Variants in NRG1 observed in about 807,000 individuals in gnomAD.
The protein encoded by NRG1 is pro-neuregulin-1, membrane-bound isoform.
Under a neutral mutation model 63.8 loss-of-function variants are expected in NRG1, and 18 were observed. That is an observed-to-expected ratio of 0.28 (90% CI 0.19 to 0.42). NRG1 has a LOEUF of 0.42. Among genes scored for constraint, NRG1 ranks in the 10% least tolerant of loss-of-function variants. The pLI is 1.00. For missense variants in NRG1, 762 were observed against 814.7 expected (o/e 0.94, Z 0.79); for synonymous variants, 302 against 301.3 (o/e 1.00, Z -0.02).
intron 3 of NRG1, among the ~76,000 whole-genome samples, chr8:32,610,253 C>G (rs1020176227): frequency 1.6e-4 from 24 of 152,200 alleles, no homozygotes; most frequent in African/African-American, 5.3e-4. Context: ...GCAGAGGATT[C>G]CTTGTGATTC....
At chr8:32,373,212 T>A (rs1023314283) in intron 1 of NRG1, among the ~76,000 whole-genome samples, 1 of 152,146 alleles carries the variant, frequency 6.6e-6, no homozygotes, top group Non-Finnish European at 1.5e-5. Context: ...CTGATTTTTT[T>A]AAAAAGGCAT....
intron 5 of NRG1, among the ~76,000 whole-genome samples, chr8:32,688,595 T>A (rs1430870228): frequency 6.6e-6 from 1 of 152,182 alleles, no homozygotes; most frequent in Non-Finnish European, 1.5e-5. Context: ...TAAATATTTG[T>A]TGAATTATGA....
intron 1 of NRG1, among the ~76,000 whole-genome samples, chr8:32,290,835 A>C (rs1854109433): frequency 6.6e-6 from 1 of 151,394 alleles, no homozygotes; most frequent in Non-Finnish European, 1.5e-5. Context: ...ATGTCTCTTA[A>C]GACTCTATCT....
intron 1 of NRG1, among the ~76,000 whole-genome samples, chr8:31,669,369 C>T (rs1806875611): frequency 1.3e-5 from 2 of 152,050 alleles, no homozygotes; most frequent in Admixed American, 1.3e-4. Flanking sequence ...TCCCAAGCAG[C>T]TGGGATTACA....
chr8:31,647,712 C>A (rs1804424631), intron 1 of NRG1, among the ~76,000 whole-genome samples: 1 of 152,204 alleles, frequency 6.6e-6, no homozygotes, highest in Non-Finnish European at 1.5e-5. Flanking sequence ...ATAACCTAGG[C>A]ATGCTGCTGC....
At chr8:32,346,889 G>GC (rs1804972206) in intron 1 of NRG1, among the ~76,000 whole-genome samples, 1 of 151,564 alleles carries the variant, frequency 6.6e-6, no homozygotes, top group African/African-American at 2.4e-5. Flanking sequence ...GAGTGCAGTG[G>GC]CGTGATCTCA....
At chr8:32,390,602 T>TAAAAAAAAAAA (rs66980062) in intron 1 of NRG1, among the ~76,000 whole-genome samples, 2 of 130,652 alleles carry the variant, frequency 1.5e-5, no homozygotes, top group African/African-American at 2.9e-5. Flanking sequence ...GACCCTGTCT[T>TAAAAAAAAAAA]AAAAAAAAAA....
At chr8:31,991,156 T>A (rs567478675) in intron 1 of NRG1, among the ~76,000 whole-genome samples, 10 of 152,176 alleles carry the variant, frequency 6.6e-5, no homozygotes, top group Admixed American at 3.3e-4. Flanking sequence ...TAAATGTCTG[T>A]CCTAATGGAT....
intron 1 of NRG1, among the ~76,000 whole-genome samples, chr8:32,280,337 A>G (rs1303501277): frequency 1.3e-5 from 2 of 152,242 alleles, no homozygotes; most frequent in Non-Finnish European, 2.9e-5. Context: ...TAATTAAATG[A>G]GATCTTTGAA....
intron 1 of NRG1, among the ~76,000 whole-genome samples, chr8:32,569,983 C>T (rs2129528504): frequency 6.7e-6 from 1 of 149,032 alleles, no homozygotes; most frequent in South Asian, 2.1e-4. Context: ...TCTTGGCTCA[C>T]TGCAACCTCT....
chr8:32,196,580 G>T (rs915513181), intron 1 of NRG1, among the ~76,000 whole-genome samples: 1 of 152,168 alleles, frequency 6.6e-6, no homozygotes, highest in Non-Finnish European at 1.5e-5. Flanking sequence ...AATATTTCCA[G>T]CAGAGCCCTG....
intron 1 of NRG1, among the ~76,000 whole-genome samples, chr8:32,033,098 T>G (rs1291056391): frequency 6.7e-6 from 1 of 150,050 alleles, no homozygotes. Flanking sequence ...TCTATTTTTT[T>G]TTTTTTTTTT....
intron 1 of NRG1, among the ~76,000 whole-genome samples, chr8:32,079,987 A>G (rs1827200759): frequency 6.6e-6 from 1 of 152,176 alleles, no homozygotes; most frequent in African/African-American, 2.4e-5. Context: ...AAGTAGTAGT[A>G]ATAAAATATT....
At chr8:31,867,196 G>C (rs897996927) in intron 1 of NRG1, among the ~76,000 whole-genome samples, 1 of 152,096 alleles carries the variant, frequency 6.6e-6, no homozygotes, top group African/African-American at 2.4e-5. Flanking sequence ...AACTGCCTGG[G>C]GGAAAAGATT....
chr8:31,844,369 A>T (rs894907963), intron 1 of NRG1, among the ~76,000 whole-genome samples: 3 of 152,142 alleles, frequency 2.0e-5, no homozygotes, highest in Admixed American at 1.3e-4. Flanking sequence ...GGTGCCTCTT[A>T]CTGGCTTGTT....
intron 1 of NRG1, among the ~76,000 whole-genome samples, chr8:31,651,908 G>T (rs1477923191): frequency 6.6e-6 from 1 of 151,884 alleles, no homozygotes; most frequent in African/African-American, 2.4e-5. Context: ...TTTCTTTTTG[G>T]CTCTCTATCT....
At chr8:31,966,044 C>T (rs1181109605) in intron 1 of NRG1, among the ~76,000 whole-genome samples, 1 of 151,938 alleles carries the variant, frequency 6.6e-6, no homozygotes, top group Non-Finnish European at 1.5e-5. Flanking sequence ...ATACGGAGAG[C>T]CCAATCTTCA....
At chr8:31,878,831 T>G (rs1830123792) in intron 1 of NRG1, among the ~76,000 whole-genome samples, 1 of 152,156 alleles carries the variant, frequency 6.6e-6, no homozygotes, top group Non-Finnish European at 1.5e-5. Flanking sequence ...CTCTTCAGTA[T>G]GGCCACTTAC....
At chr8:32,502,166 G>A (rs1827936129) in intron 1 of NRG1, among the ~76,000 whole-genome samples, 1 of 152,022 alleles carries the variant, frequency 6.6e-6, no homozygotes, top group Non-Finnish European at 1.5e-5. Flanking sequence ...GGGAGGCATC[G>A]GGAAGCCTCC....
Sources: allele counts gnomAD v4.1 joint callset (sites outside exome capture counted in the v4.1 genomes callset), GRCh38; gene constraint gnomAD v4.1.1; transcripts MANE v1.5; gene names NCBI Gene and HGNC (gene_info 2026-07-23, HGNC 2026-07-21).